The following AGPS variants were observed in gnomAD, a reference collection of about 807,000 sequenced individuals.
The protein encoded by AGPS is alkylglycerone phosphate synthase, also known as alkyldihydroxyacetonephosphate synthase, peroxisomal.
Under a neutral mutation model 90.7 loss-of-function variants are expected in AGPS, and 26 were observed. The ratio of observed to expected loss-of-function variants is 0.29; its 90% CI spans 0.21 to 0.40. The LOEUF (loss-of-function observed/expected upper bound fraction) is 0.40. AGPS is among the 10% of genes least tolerant of loss of function. The pLI is 1.00. For missense variants in AGPS, 540 were observed against 816.1 expected (o/e 0.66, Z 4.12); for synonymous variants, 294 against 285.3 (o/e 1.03, Z -0.31).
intron 2 of AGPS, among the ~76,000 whole-genome samples, chr2:177,424,304 A>G (rs997789020): frequency 6.6e-6 from 1 of 152,130 alleles, no homozygotes; most frequent in East Asian, 1.9e-4. Context: ...GTTCCTTTCT[A>G]TGGCTGCATA....
chr2:177,425,346 C>T (rs1206948755), intron 2 of AGPS, among the ~76,000 whole-genome samples: 2 of 151,936 alleles, frequency 1.3e-5, no homozygotes, highest in South Asian at 2.1e-4. Flanking sequence ...CCTGGCCGGG[C>T]GCAGTGGCTC....
intron 8 of AGPS, among the ~76,000 whole-genome samples, chr2:177,459,036 C>G (rs924948089): frequency 6.6e-6 from 1 of 152,176 alleles, no homozygotes; most frequent in Admixed American, 6.6e-5. Context: ...CTACAACCAT[C>G]TAATCTTTCA....
At chr2:177,485,871 C>T (rs575813578) in intron 11 of AGPS, among the ~76,000 whole-genome samples, 23 of 152,158 alleles carry the variant, frequency 1.5e-4, no homozygotes, top group African/African-American at 5.5e-4. Flanking sequence ...GAGTCGTGAT[C>T]GTGCCACTGT....
chr2:177,465,224 T>G (rs759365157), intron 9 of AGPS, among the ~76,000 whole-genome samples: 1 of 151,990 alleles, frequency 6.6e-6, no homozygotes, highest in Non-Finnish European at 1.5e-5. Context: ...AGCCCAGGAG[T>G]TTGAAGTTAC....
At chr2:177,454,622 T>C (rs1687056672) in intron 8 of AGPS, among the ~76,000 whole-genome samples, 1 of 151,524 alleles carries the variant, frequency 6.6e-6, no homozygotes, top group Non-Finnish European at 1.5e-5. Flanking sequence ...ATTTTATATT[T>C]TTAATTTTGA....
At chr2:177,457,160 A>G (rs1354032310) in intron 8 of AGPS, among the ~76,000 whole-genome samples, 1 of 152,244 alleles carries the variant, frequency 6.6e-6, no homozygotes, top group African/African-American at 2.4e-5. Context: ...CGAAGACACA[A>G]TGTACCAGAA....
Position 177,540,055 on chromosome 2 carries a change from G to T in AGPS, c.*1860G>T, listed in dbSNP as rs62182697. ...AGTATATATATATATATATATATAT[G>T]TATGCATGTGTGTGTGTGTATATAT... On this transcript the variant is annotated 3_prime_UTR_variant, in exon 20 of 20. Coordinates refer to ENST00000264167, the MANE Select transcript of AGPS (RefSeq NM_003659.4). 1 of 75,798 alleles carries T rather than the reference G, an allele frequency of 1.3e-5. No individual in the cohort carries two copies. The highest frequency in any genetic ancestry group is 5.6e-5 in the African/African-American group (1 of 17,900). The allele number at this position is 75,798 out of a possible 1,614,324, so 4.7% of individuals were successfully genotyped here.
chr2:177,425,342 C>T (rs1446529544), intron 2 of AGPS, among the ~76,000 whole-genome samples: 2 of 152,018 alleles, frequency 1.3e-5, no homozygotes, highest in Non-Finnish European at 2.9e-5. Context: ...GAATCCTGGC[C>T]GGGCGCAGTG....
intron 1 of AGPS, chr2:177,393,641 T>TTTAA (rs1685087331): frequency 1.1e-6 from 1 of 908,360 alleles, no homozygotes; most frequent in Admixed American, 6.2e-5. Context: ...GTTTAAGGTG[T>TTTAA]GGTGGTATAG....
intron 12 of AGPS, among the ~76,000 whole-genome samples, chr2:177,494,790 T>C (rs1005766879): frequency 1.3e-5 from 2 of 152,208 alleles, no homozygotes; most frequent in Non-Finnish European, 2.9e-5. Context: ...AGTGATCCTT[T>C]TGAAATACAG....
chr2:177,411,382 C>T (rs1017999715), intron 1 of AGPS, among the ~76,000 whole-genome samples: 1 of 152,192 alleles, frequency 6.6e-6, no homozygotes, highest in Non-Finnish European at 1.5e-5. Flanking sequence ...AATTTATAGG[C>T]TTCTTCCTAG....
At chr2:177,434,997 G>GGGTATATATATATATATATATATATA (rs36151985) in intron 3 of AGPS, among the ~76,000 whole-genome samples, 4 of 128,160 alleles carry the variant, frequency 3.1e-5, no homozygotes, top group Admixed American at 7.6e-5. Context: ...TAAACTGTAG[G>GGGTATATATATATATATATATATATA]TATATATATA....
intron 2 of AGPS, among the ~76,000 whole-genome samples, chr2:177,432,904 G>A (rs1365132033): frequency 2.0e-5 from 3 of 152,178 alleles, no homozygotes; most frequent in African/African-American, 4.8e-5. Context: ...GAGAGAGATG[G>A]TAGGGAGGTG....
intron 2 of AGPS, among the ~76,000 whole-genome samples, chr2:177,433,270 A>G (rs1262928853): frequency 6.6e-6 from 1 of 152,270 alleles, no homozygotes; most frequent in Non-Finnish European, 1.5e-5. Context: ...CAAATGGACA[A>G]TAGTTATAGG....
intron 19 of AGPS, among the ~76,000 whole-genome samples, chr2:177,533,613 AAT>A (rs1302435550): frequency 6.6e-6 from 1 of 152,344 alleles, no homozygotes; most frequent in African/African-American, 2.4e-5. Context: ...ACTTAAAAAT[AAT>A]ATGTTTGTTA....
At position 177,444,065 on chromosome 2, in the gene AGPS, A is replaced by C. The variant is rs192631704; in HGVS notation, c.790-1481A>C. On this transcript the variant is annotated intron_variant, in intron 7 of 19. Transcript: ENST00000264167. ...TGTCTTTTCATTCTGCAATTTAATA[A>C]TACTGTCTTTTGTTTAGCTGCCAAA... is the stretch of plus-strand genomic sequence containing the variant. 9.8e-5 allele frequency among the ~76,000 whole-genome samples: 15 copies of C among 152,298 alleles called. No individual in the cohort carries two copies. In the East Asian group the frequency reaches 2.9e-3, roughly 29 times the overall value.
chr2:177,436,930 C>G (rs764909922), intron 4 of AGPS, 46 bp downstream of exon 4: 52 of 1,610,198 alleles, frequency 3.2e-5, no homozygotes, highest in South Asian at 2.3e-4. Flanking sequence ...CAAAAAAATT[C>G]TATATTTTAA....
intron 10 of AGPS, among the ~76,000 whole-genome samples, chr2:177,473,118 A>C (rs1310889504): frequency 6.6e-6 from 1 of 152,222 alleles, no homozygotes; most frequent in African/African-American, 2.4e-5. Flanking sequence ...GGAAGGCTAC[A>C]GGAAATCTGT....
chr2:177,507,176 G>A (rs1022799724), intron 15 of AGPS, among the ~76,000 whole-genome samples: 2 of 151,878 alleles, frequency 1.3e-5, no homozygotes, highest in Non-Finnish European at 2.9e-5. Context: ...GTAATTTGGG[G>A]ATTTTTTTGT....
Sources: allele counts gnomAD v4.1 joint callset (sites outside exome capture counted in the v4.1 genomes callset), GRCh38; gene constraint gnomAD v4.1.1; transcripts MANE v1.5; gene names NCBI Gene and HGNC (gene_info 2026-07-23, HGNC 2026-07-21).